The following FAR2 variants were observed in gnomAD, a reference collection of about 807,000 sequenced individuals.
The protein encoded by FAR2 is epididymis secretory protein Li 81.
Under a neutral mutation model 56.0 loss-of-function variants are expected in FAR2, and 19 were observed. That is an observed-to-expected ratio of 0.34 (90% confidence interval 0.24 to 0.50). FAR2 has a LOEUF of 0.50. FAR2 is among the 20% of genes least tolerant of loss of function. The pLI, the probability that FAR2 is intolerant of heterozygous loss-of-function variation, is 0.98. For missense variants in FAR2, 508 were observed against 642.2 expected (o/e 0.79, Z 2.26); for synonymous variants, 219 against 218.8 (o/e 1.00, Z -0.01).
At chr12:29,321,278 C>T (rs1949546679) in intron 9 of FAR2, among the ~76,000 whole-genome samples, 1 of 152,096 alleles carries the variant, frequency 6.6e-6, no homozygotes, top group Non-Finnish European at 1.5e-5. Flanking sequence ...GCAATCCCAA[C>T]ACTTTGGGAG....
chr12:29,329,733 T>C (rs1387297011), intron 10 of FAR2, among the ~76,000 whole-genome samples: 1 of 152,224 alleles, frequency 6.6e-6, no homozygotes, highest in Non-Finnish European at 1.5e-5. Flanking sequence ...ATCTGCTCTC[T>C]TTATTAATAC....
chr12:29,325,521 G>A (rs1242650737), intron 10 of FAR2, among the ~76,000 whole-genome samples: 1 of 152,134 alleles, frequency 6.6e-6, no homozygotes, highest in East Asian at 1.9e-4. Context: ...CTCAGCAAAT[G>A]TAAAAGAACA....
intron 2 of FAR2, among the ~76,000 whole-genome samples, chr12:29,284,578 C>G (rs1282153168): frequency 2.6e-5 from 4 of 152,144 alleles, no homozygotes; most frequent in African/African-American, 9.7e-5. Flanking sequence ...GGGTTACACA[C>G]TGGGTCCACA....
intron 10 of FAR2, among the ~76,000 whole-genome samples, chr12:29,325,423 C>A (rs1440960670): frequency 2.0e-5 from 3 of 152,188 alleles, no homozygotes; most frequent in African/African-American, 7.2e-5. Context: ...ACAGAACTCT[C>A]CACCCCAAAT....
At chr12:29,317,873 G>A (rs1214685122) in intron 9 of FAR2, 1 of 152,638 alleles carries the variant, frequency 6.6e-6, no homozygotes, top group African/African-American at 2.4e-5. Flanking sequence ...TGACAGGAAG[G>A]ATGTGGAGAA....
chr12:29,323,224 C>G (rs911561844), intron 10 of FAR2, among the ~76,000 whole-genome samples: 2 of 152,182 alleles, frequency 1.3e-5, no homozygotes, highest in African/African-American at 4.8e-5. Context: ...TTGCTCAGGC[C>G]TGAGTAGGTA....
At chr12:29,183,212 C>CA (rs1950009099) in intron 1 of FAR2, among the ~76,000 whole-genome samples, 1 of 152,184 alleles carries the variant, frequency 6.6e-6, no homozygotes, top group Admixed American at 6.5e-5. Context: ...TGCAGTTGCT[C>CA]ATTCTCAAGG....
intron 5 of FAR2, chr12:29,308,079 A>C (rs150785809): frequency 2.8e-6 from 1 of 359,088 alleles, no homozygotes; most frequent in East Asian, 5.3e-5. Context: ...TTAGCTTCTA[A>C]CTACTCTAGT....
At chr12:29,171,750 G>C (rs555779573) in intron 1 of FAR2, 5 of 152,452 alleles carry the variant, frequency 3.3e-5, no homozygotes, top group African/African-American at 4.9e-5. Context: ...GAAGTGAGAA[G>C]TGCCTCTGCC....
intron 1 of FAR2, among the ~76,000 whole-genome samples, chr12:29,231,060 C>T (rs1253364369): frequency 1.3e-5 from 2 of 152,108 alleles, no homozygotes; most frequent in Admixed American, 6.5e-5. Context: ...AGATTTCAGC[C>T]CTCATCCTAA....
chr12:29,250,946 C>G (rs1247358318), intron 1 of FAR2, among the ~76,000 whole-genome samples: 1 of 152,060 alleles, frequency 6.6e-6, no homozygotes, highest in African/African-American at 2.4e-5. Flanking sequence ...TAATTGGATC[C>G]TAGGGTGGCA....
At chr12:29,302,236 G>GAAA (rs57752714) in intron 4 of FAR2, among the ~76,000 whole-genome samples, 110 of 93,076 alleles carry the variant, frequency 1.2e-3, no homozygotes, top group Non-Finnish European at 1.7e-3. Context: ...CATCTCAAAG[G>GAAA]AAAAAAAAAA....
chr12:29,160,006 C>G (rs1949767595), intron 1 of FAR2, among the ~76,000 whole-genome samples: 1 of 152,230 alleles, frequency 6.6e-6, no homozygotes, highest in Non-Finnish European at 1.5e-5. Flanking sequence ...AACCAACCAT[C>G]TGCCCTATAA....
chr12:29,281,698 AGAAGT>A (rs1565503004), intron 2 of FAR2, among the ~76,000 whole-genome samples: 1 of 151,920 alleles, frequency 6.6e-6, no homozygotes, highest in Non-Finnish European at 1.5e-5. Context: ...GGATTAATGA[AGAAGT>A]GAAAGAAAGA....
At chr12:29,315,584 T>C (rs1949434602) in intron 8 of FAR2, among the ~76,000 whole-genome samples, 2 of 152,206 alleles carry the variant, frequency 1.3e-5, no homozygotes, top group African/African-American at 4.8e-5. Flanking sequence ...CACTCCAGGC[T>C]ACAGTAGTGG....
At chr12:29,154,878 C>T (rs554972636) in intron 1 of FAR2, among the ~76,000 whole-genome samples, 2 of 152,284 alleles carry the variant, frequency 1.3e-5, no homozygotes, top group Admixed American at 1.3e-4. Context: ...CAGCATTCAG[C>T]ATAACACGCT....
chr12:29,332,819 T>C, intron 11 of FAR2, 92 bp downstream of exon 11: 2 of 1,247,282 alleles, frequency 1.6e-6, no homozygotes, highest in Non-Finnish European at 2.3e-6. Flanking sequence ...AGAATGAACA[T>C]TTCTTGAGCA....
rs138224323 is a variant in FAR2, at chr12:29,179,304, A to T, written c.-39+29897A>T. 1.3e-4 allele frequency among the ~76,000 whole-genome samples: 20 copies of T among 152,352 alleles called. No individual in the cohort carries two copies. The East Asian group carries it at 3.9e-3, about 29-fold the overall frequency. ...ATTCAGAAAGTTGCTGATATACATC[A>T]TGGGAGGAGGAAAGAGCAAGGACAC... On this transcript the variant is annotated intron_variant, in intron 1 of 11. Transcript: ENST00000536681.
intron 1 of FAR2, among the ~76,000 whole-genome samples, chr12:29,175,048 G>C (rs113334646): frequency 0.019 from 2,915 of 152,256 alleles, 85 homozygotes; most frequent in African/African-American, 0.063. Context: ...CAGAAAGCCT[G>C]ACACTCATGT....
Sources: gnomAD v4.1 joint callset for allele counts (sites outside exome capture counted in the v4.1 genomes callset) on GRCh38, gnomAD v4.1.1 for gene constraint, MANE v1.5 for transcripts, NCBI Gene and HGNC (gene_info 2026-07-23, HGNC 2026-07-21) for gene names.